SUPT3H: variants seen among roughly 807,000 people sequenced by gnomAD.
SUPT3H encodes SPT3 homolog, SAGA and STAGA complex component, also known as transcription initiation protein SPT3 homolog.
In SUPT3H, 44 loss-of-function variants were observed where a neutral mutation model predicts 44.3. The observed-to-expected ratio is 0.99, with a 90% CI of 0.78 to 1.28. The LOEUF (loss-of-function observed/expected upper bound fraction) is 1.28. Among genes scored for constraint, SUPT3H ranks in the 50% most tolerant of loss-of-function variants. The pLI, the probability that SUPT3H is intolerant of heterozygous loss-of-function variation, is 0.00. For synonymous variants in SUPT3H, 124 were observed against 125.6 expected, an observed-to-expected ratio of 0.99 and a Z score of 0.09; for missense variants, 380 against 387.1, an observed-to-expected ratio of 0.98 and a Z score of 0.15.
At chr6:45,346,890 A>C (rs1239695163) in intron 2 of SUPT3H, among the ~76,000 whole-genome samples, 1 of 152,144 alleles carries the variant, frequency 6.6e-6, no homozygotes, top group Admixed American at 6.6e-5. Flanking sequence ...TAAATGAATT[A>C]ATGAAACATT....
At chr6:45,253,346 A>G (rs1772712500) in intron 2 of SUPT3H, among the ~76,000 whole-genome samples, 1 of 152,202 alleles carries the variant, frequency 6.6e-6, no homozygotes, top group Non-Finnish European at 1.5e-5. Flanking sequence ...CTATTTTTGT[A>G]GACAACAATG....
chr6:45,019,101 T>C (rs1289233322), intron 4 of SUPT3H, among the ~76,000 whole-genome samples: 1 of 152,194 alleles, frequency 6.6e-6, no homozygotes. Flanking sequence ...AAGGAATTTA[T>C]CCATTTCTTC....
intron 4 of SUPT3H, among the ~76,000 whole-genome samples, chr6:45,015,523 A>G (rs1165617123): frequency 6.6e-6 from 1 of 152,030 alleles, no homozygotes; most frequent in Non-Finnish European, 1.5e-5. Flanking sequence ...TTTTTAAAAA[A>G]GCTGTACACT....
Position 44,845,682 on chromosome 6 carries a change from A to T in SUPT3H, c.913-15825T>A, listed in dbSNP as rs138926770. Among the ~76,000 whole-genome samples the T allele has an allele frequency of 3.4e-4, 52 of 152,308 alleles. No homozygotes were observed. The East Asian group carries it at 9.1e-3, about 27-fold the overall frequency. ...AGCGGCTGGACATCAAGAGGAACACACTGGCAGAAGAAGACACAAGAGGCT... is the reference window on the plus strand; with the variant it reads ...AGCGGCTGGACATCAAGAGGAACACTCTGGCAGAAGAAGACACAAGAGGCT... On this transcript the variant is annotated intron_variant, in intron 10 of 10. Transcript: ENST00000371459.
intron 3 of SUPT3H, among the ~76,000 whole-genome samples, chr6:45,035,046 G>C (rs1259129107): frequency 1.3e-5 from 2 of 152,166 alleles, no homozygotes; most frequent in East Asian, 3.8e-4. Context: ...GACTTACACA[G>C]AATTAGTTTA....
intron 2 of SUPT3H, among the ~76,000 whole-genome samples, chr6:45,118,782 A>C (rs1338831804): frequency 6.6e-6 from 1 of 152,128 alleles, no homozygotes; most frequent in Non-Finnish European, 1.5e-5. Context: ...TATTATATTC[A>C]TTCCCATTGC....
At chr6:45,222,796 A>T (rs1020471064) in intron 2 of SUPT3H, among the ~76,000 whole-genome samples, 1 of 152,142 alleles carries the variant, frequency 6.6e-6, no homozygotes, top group African/African-American at 2.4e-5. Flanking sequence ...GACAACTCAG[A>T]TGTCCTTCAA....
intron 2 of SUPT3H, among the ~76,000 whole-genome samples, chr6:45,359,990 T>C (rs1418947248): frequency 6.6e-6 from 1 of 152,162 alleles, no homozygotes; most frequent in Non-Finnish European, 1.5e-5. Flanking sequence ...AGCAATCAAC[T>C]GAAAAAACAT....
intron 2 of SUPT3H, among the ~76,000 whole-genome samples, chr6:45,325,060 A>G (rs1254585532): frequency 1.3e-5 from 2 of 151,918 alleles, no homozygotes; most frequent in African/African-American, 2.4e-5. Flanking sequence ...TTGTCAAAAA[A>G]AAGTAAAATA....
chr6:44,876,433 C>G (rs896436187), intron 10 of SUPT3H, among the ~76,000 whole-genome samples: 2 of 120,894 alleles, frequency 1.7e-5, no homozygotes, highest in Non-Finnish European at 3.4e-5. Context: ...TATTCTCACT[C>G]ATAGGTGGGA....
At chr6:44,904,825 T>C (rs908248100) in intron 10 of SUPT3H, among the ~76,000 whole-genome samples, 1 of 152,072 alleles carries the variant, frequency 6.6e-6, no homozygotes, top group Non-Finnish European at 1.5e-5. Context: ...AACAGAGATA[T>C]AGACCAATAG....
intron 3 of SUPT3H, among the ~76,000 whole-genome samples, chr6:45,059,791 T>TACA: frequency 6.6e-6 from 1 of 152,038 alleles, no homozygotes; most frequent in Non-Finnish European, 1.5e-5. Context: ...AGTATTCCTA[T>TACA]ACAACAACAA....
chr6:45,360,093 A>T (rs1793990642), intron 2 of SUPT3H, among the ~76,000 whole-genome samples: 1 of 152,244 alleles, frequency 6.6e-6, no homozygotes, highest in African/African-American at 2.4e-5. Flanking sequence ...TCAAAATAAA[A>T]AGTTTATTAA....
At chr6:45,350,191 G>C (rs1482362054) in intron 2 of SUPT3H, among the ~76,000 whole-genome samples, 2 of 152,146 alleles carry the variant, frequency 1.3e-5, no homozygotes, top group African/African-American at 2.4e-5. Context: ...TAAGGATTTT[G>C]TGTTTGTTTT....
At chr6:45,083,378 G>T (rs1796079187) in intron 3 of SUPT3H, among the ~76,000 whole-genome samples, 1 of 151,758 alleles carries the variant, frequency 6.6e-6, no homozygotes, top group Non-Finnish European at 1.5e-5. Flanking sequence ...TTTTAATAGA[G>T]ACAGGGTTTC....
chr6:45,058,893 G>A (rs1347876736), intron 3 of SUPT3H, among the ~76,000 whole-genome samples: 6 of 151,980 alleles, frequency 3.9e-5, no homozygotes, highest in Non-Finnish European at 5.9e-5. Context: ...AGATCTACCC[G>A]AATTGCAAGT....
At chr6:45,363,509 TAA>T (rs2150263277) in intron 2 of SUPT3H, among the ~76,000 whole-genome samples, 1 of 152,172 alleles carries the variant, frequency 6.6e-6, no homozygotes, top group South Asian at 2.1e-4. Flanking sequence ...ATTCCCAAAT[TAA>T]AAGTTTTAAA....
At chr6:44,991,410 T>C (rs1780594376) in intron 6 of SUPT3H, among the ~76,000 whole-genome samples, 1 of 152,170 alleles carries the variant, frequency 6.6e-6, no homozygotes, top group Non-Finnish European at 1.5e-5. Flanking sequence ...TAGGATCTGA[T>C]CTGCCTTTTT....
chr6:44,886,957 G>C (rs1362559115), intron 10 of SUPT3H, among the ~76,000 whole-genome samples: 1 of 152,014 alleles, frequency 6.6e-6, no homozygotes, highest in East Asian at 1.9e-4. Flanking sequence ...AAAAAGGCAG[G>C]GGTTGCAATC....
Sources: gnomAD v4.1 joint callset for allele counts (sites outside exome capture counted in the v4.1 genomes callset) on GRCh38, gnomAD v4.1.1 for gene constraint, MANE v1.5 for transcripts, NCBI Gene and HGNC (gene_info 2026-07-23, HGNC 2026-07-21) for gene names.